SMAD6: variants seen among roughly 807,000 people sequenced by gnomAD.
The protein encoded by SMAD6 is SMAD family member 6.
In SMAD6, 103 loss-of-function variants were observed where a neutral mutation model predicts 39.4. That is an observed-to-expected ratio of 2.62 (90% CI 2.23 to 3.08). SMAD6 has a LOEUF of 3.08. Among genes scored for constraint, SMAD6 ranks in the 30% most tolerant of loss-of-function variants. The pLI, the probability that SMAD6 is intolerant of heterozygous loss-of-function variation, is 0.00. For synonymous variants in SMAD6, 445 were observed against 353.3 expected (o/e 1.26, Z -2.91); for missense variants, 1,104 against 742.9 (o/e 1.49, Z -5.65).
Position 66,704,078 on chromosome 15 carries a change from G to C in SMAD6, c.817+3G>C. ...CTTCAGCCGGCTCTGCGGGCCCGGT[G>C]AGCGCGCTGCGCCGGCCGGGGGGGC... On this transcript the variant is annotated splice_donor_region_variant and intron_variant, in intron 1 of 3. Transcript: ENST00000288840. 6.8e-7 allele frequency: 1 copy of C among 1,476,432 alleles called. No individual in the cohort carries two copies. Among genetic ancestry groups the C allele is most frequent in the Non-Finnish European group, 8.9e-7 (1 of 1,121,116 alleles). 91.5% of individuals were successfully genotyped at this position (1,476,432 alleles called of 1,614,324 possible). A position where few individuals can be genotyped will look rare whatever the true frequency, so the allele number is the denominator to read the frequency against.
At chr15:66,762,281 C>T (rs1595793942) in intron 3 of SMAD6, among the ~76,000 whole-genome samples, 1 of 152,228 alleles carries the variant, frequency 6.6e-6, no homozygotes, top group Admixed American at 6.5e-5. Context: ...TCAATCATTC[C>T]TCCAGTATGC....
At chr15:66,778,737 C>T (rs974395342) in intron 3 of SMAD6, among the ~76,000 whole-genome samples, 2 of 152,182 alleles carry the variant, frequency 1.3e-5, no homozygotes, top group African/African-American at 2.4e-5. Context: ...AAGAGCTCCC[C>T]TCTAGAGTGT....
At position 66,702,421 on chromosome 15, in the gene SMAD6, C is replaced by CT. The variant is rs1377350465; in HGVS notation, c.-834dup. 1.0e-4 allele frequency: 13 copies of CT among 125,212 alleles called. No homozygotes were observed. The highest frequency in any genetic ancestry group is 3.0e-4 in the African/African-American group (10 of 32,904). 7.8% of individuals were successfully genotyped at this position (125,212 alleles called of 1,614,324 possible). On this transcript the variant is annotated 5_prime_UTR_variant, in exon 1 of 4. It introduces an in-frame stop codon into an upstream open reading frame of the 5' UTR. Coordinates refer to ENST00000288840, the MANE Select transcript of SMAD6 (RefSeq NM_005585.5). ...GGGACCCCGGGGCCACCGGGAGGCA[C>CT]TTTTGTGGAGGGGGGAGGGGGGGCG...
intron 3 of SMAD6, among the ~76,000 whole-genome samples, chr15:66,741,824 TCCCTCCGGGCAG>T (rs989738601): frequency 8.4e-4 from 128 of 152,302 alleles, no homozygotes; most frequent in Middle Eastern, 3.4e-3. Flanking sequence ...TTGCTGCCGG[TCCCTCCGGGCAG>T]CCCTACAGGT....
chr15:66,708,669 G>A (rs766796320), intron 1 of SMAD6: 1 of 460,624 alleles, frequency 2.2e-6, no homozygotes, highest in Admixed American at 2.4e-5. Context: ...GAAAGAAGAA[G>A]CCAGCCACAA....
chr15:66,764,920 T>G (rs1020090252), intron 3 of SMAD6, among the ~76,000 whole-genome samples: 2 of 152,156 alleles, frequency 1.3e-5, no homozygotes, highest in Non-Finnish European at 1.5e-5. Flanking sequence ...TTAAAGACAC[T>G]GCTCAGATTC....
chr15:66,717,168 G>T (rs2140605677), intron 3 of SMAD6: 1 of 1,284,628 alleles, frequency 7.8e-7, no homozygotes, highest in Non-Finnish European at 1.0e-6. Flanking sequence ...GACATCGAGG[G>T]CCAGGACCAA....
rs1002706747 is a variant in SMAD6 at position 66,703,890 on chromosome 15, C to T, written c.632C>T (p.Ala211Val). Residue 211 changes from alanine to valine, a missense_variant, in exon 1 of 4, where the codon GCC becomes GTC. Coordinates refer to ENST00000288840, the MANE Select transcript of SMAD6 (RefSeq NM_005585.5). ...VPGGCVLVPR[A>V]DLRLGGQPAP... ...GGCGGCTGCGTGCTGGTGCCGCGCG[C>T]CGACCTCCGCCTGGGCGGCCAGCCC... 4.6e-6 allele frequency: 6 copies of T among 1,293,350 alleles called. No individual in the cohort carries two copies. The African/African-American group carries it at 6.2e-5, about 13-fold the overall frequency. The allele number at this position is 1,293,350 out of a possible 1,614,324, so 80.1% of individuals were successfully genotyped here. A position where few individuals can be genotyped will look rare whatever the true frequency, so the allele number is the denominator to read the frequency against.
Position 66,727,939 on chromosome 15 carries a change from G to A in SMAD6, c.952+11441G>A, listed in dbSNP as rs144761692. 1.4e-3 allele frequency among the ~76,000 whole-genome samples: 220 copies of A among 152,042 alleles called. 1 individual carries two copies. Among genetic ancestry groups the A allele is most frequent in the African/African-American group, 5.0e-3 (209 of 41,474 alleles). ...GCGATCTCCGCTCGCGGTAACCTCC[G>A]CCTCCTGGGTTCAAGCAATTCTCCT... is the stretch of plus-strand genomic sequence containing the variant. On this transcript the variant is annotated intron_variant, in intron 3 of 3. Coordinates refer to ENST00000288840, the MANE Select transcript of SMAD6 (RefSeq NM_005585.5).
chr15:66,779,565 AG>A (rs922333233), intron 3 of SMAD6, among the ~76,000 whole-genome samples: 2 of 152,170 alleles, frequency 1.3e-5, no homozygotes, highest in African/African-American at 2.4e-5. Context: ...CCAGTGTGTA[AG>A]GGGATGTCAG....
intron 3 of SMAD6, among the ~76,000 whole-genome samples, chr15:66,726,727 C>T (rs1268650109): frequency 2.6e-5 from 4 of 152,182 alleles, no homozygotes; most frequent in South Asian, 2.1e-4. Flanking sequence ...AAACTACTTC[C>T]ACTTGGGCTT....
chr15:66,702,268 G>C lies in SMAD6; in HGVS notation c.-991G>C, dbSNP rs1892985563. The C allele has an allele frequency of 6.6e-6, 1 of 152,262 alleles. No individual in the cohort carries two copies. The highest frequency in any genetic ancestry group is 6.5e-5 in the Admixed American group (1 of 15,290). The allele number at this position is 152,262 out of a possible 1,614,324, so 9.4% of individuals were successfully genotyped here. ...GGGAGGCAGCCAATGACTCCGCGGC[G>C]CTCCTCCGGGGGCCCTCAGTGTGCG... On this transcript the variant is annotated 5_prime_UTR_variant, in exon 1 of 4. Transcript: ENST00000288840.
intron 1 of SMAD6, chr15:66,706,792 C>T (rs1435076070): frequency 6.6e-6 from 1 of 152,342 alleles, no homozygotes; most frequent in Non-Finnish European, 1.5e-5. Flanking sequence ...TGACAGAAGA[C>T]CCCTTCCTGG....
intron 3 of SMAD6, among the ~76,000 whole-genome samples, chr15:66,723,624 C>T (rs560965138): frequency 8.7e-4 from 132 of 152,262 alleles, no homozygotes; most frequent in Middle Eastern, 3.4e-3. Context: ...GAGCTGTGAT[C>T]GCACCACTGC....
intron 3 of SMAD6, among the ~76,000 whole-genome samples, chr15:66,754,004 A>C (rs955851149): frequency 6.6e-6 from 1 of 152,236 alleles, no homozygotes; most frequent in Admixed American, 6.5e-5. Flanking sequence ...TCATGGGCTC[A>C]TCTGCCCTGC....
intron 3 of SMAD6, among the ~76,000 whole-genome samples, chr15:66,773,493 G>A (rs1452020815): frequency 6.6e-6 from 1 of 152,170 alleles, no homozygotes; most frequent in Non-Finnish European, 1.5e-5. Context: ...ACAAAGGAGA[G>A]TTAAGTGGAA....
chr15:66,758,041 A>G (rs1894133940), intron 3 of SMAD6, among the ~76,000 whole-genome samples: 1 of 152,190 alleles, frequency 6.6e-6, no homozygotes, highest in Non-Finnish European at 1.5e-5. Flanking sequence ...CATTTACTCC[A>G]TGGATAGAAA....
chr15:66,702,889 C>T lies in SMAD6; in HGVS notation c.-370C>T. The T allele has an allele frequency of 5.1e-6, 1 of 196,068 alleles. No homozygotes were observed. The highest frequency in any genetic ancestry group is 1.0e-5 in the Non-Finnish European group (1 of 97,292). 12.1% of individuals were successfully genotyped at this position (196,068 alleles called of 1,614,324 possible). On this transcript the variant is annotated 5_prime_UTR_variant, in exon 1 of 4. The change creates a premature stop within an existing upstream ORF in the 5' untranslated region. Coordinates refer to ENST00000288840, the MANE Select transcript of SMAD6 (RefSeq NM_005585.5). Reference sequence around the variant, plus strand: ...GCGCGAGCGCTTTGTGCTCATGGACCAGCCGCACAACTTTTGAAGGCTCGC... The same window carrying T: ...GCGCGAGCGCTTTGTGCTCATGGACTAGCCGCACAACTTTTGAAGGCTCGC...
intron 3 of SMAD6, among the ~76,000 whole-genome samples, chr15:66,775,738 T>C (rs1894456422): frequency 6.6e-6 from 1 of 152,226 alleles, no homozygotes; most frequent in Non-Finnish European, 1.5e-5. Flanking sequence ...TGTTCACTCG[T>C]GTCTGACTCC....
Sources: gnomAD v4.1 joint callset for allele counts (sites outside exome capture counted in the v4.1 genomes callset) on GRCh38, gnomAD v4.1.1 for gene constraint, MANE v1.5 for transcripts, NCBI Gene and HGNC (gene_info 2026-07-23, HGNC 2026-07-21) for gene names.